The following CELF2 variants were observed in gnomAD, a reference collection of about 807,000 sequenced individuals.
CELF2 encodes CUG triplet repeat RNA-binding protein 2.
CELF2 carries 8 observed loss-of-function variants against 62.6 expected under a neutral mutation model. That is an observed-to-expected ratio of 0.13 (90% CI 0.07 to 0.23). The LOEUF is 0.23. Ranked by LOEUF, CELF2 falls within the 10% of genes least tolerant of loss-of-function variation. The probability of loss-of-function intolerance (pLI) is 1.00; values close to 1 mark genes in which losing one functional copy is unlikely to be tolerated. For missense variants in CELF2, 333 were observed against 671.0 expected, an observed-to-expected ratio of 0.50 and a Z score of 5.56; for synonymous variants, 258 against 250.0, an observed-to-expected ratio of 1.03 and a Z score of -0.30.
chr10:10,980,373 T>C (rs1453678522), intron 2 of CELF2, among the ~76,000 whole-genome samples: 1 of 152,212 alleles, frequency 6.6e-6, no homozygotes, highest in Non-Finnish European at 1.5e-5. Context: ...CACCTTATTG[T>C]AGAAGGAATG....
chr10:10,732,262 G>A, the CELF2 span, among the ~76,000 whole-genome samples: 19 of 152,238 alleles, frequency 1.2e-4, no homozygotes, highest in South Asian at 6.2e-4. Flanking sequence ...ACCCCTAGGC[G>A]GAGACTGTAT....
At chr10:10,862,436 A>G (rs1026683685) in intron 1 of CELF2, among the ~76,000 whole-genome samples, 1 of 152,118 alleles carries the variant, frequency 6.6e-6, no homozygotes, top group Non-Finnish European at 1.5e-5. Flanking sequence ...TGGGCTGTCA[A>G]TCATAATGCC....
At chr10:10,788,091 G>C in the CELF2 span, among the ~76,000 whole-genome samples, 2 of 152,134 alleles carry the variant, frequency 1.3e-5, no homozygotes, top group South Asian at 2.1e-4. Flanking sequence ...AAAATGATTA[G>C]TGCAAGCCAT....
intron 1 of CELF2, among the ~76,000 whole-genome samples, chr10:11,128,251 G>A (rs1595807852): frequency 6.6e-6 from 1 of 152,100 alleles, no homozygotes; most frequent in Admixed American, 6.5e-5. Flanking sequence ...TCTCTGTTTT[G>A]GTACCAGTAC....
At chr10:10,918,245 T>G (rs2064535578) in intron 1 of CELF2, among the ~76,000 whole-genome samples, 1 of 152,216 alleles carries the variant, frequency 6.6e-6, no homozygotes, top group South Asian at 2.1e-4. Flanking sequence ...ATTTCTTAGC[T>G]TGGGTATCCA....
intron 1 of CELF2, among the ~76,000 whole-genome samples, chr10:11,097,685 A>G (rs1207477626): frequency 2.6e-5 from 4 of 152,160 alleles, no homozygotes; most frequent in African/African-American, 9.7e-5. Context: ...GCCCATGTAT[A>G]GCATATTCTG....
intron 1 of CELF2, among the ~76,000 whole-genome samples, chr10:11,155,160 T>C (rs922202404): frequency 6.6e-6 from 1 of 152,252 alleles, no homozygotes; most frequent in Non-Finnish European, 1.5e-5. Flanking sequence ...GAAGGAATGC[T>C]TCTTACAACA....
chr10:10,704,305 A>ATT, the CELF2 span, among the ~76,000 whole-genome samples: 6 of 151,490 alleles, frequency 4.0e-5, no homozygotes, highest in Non-Finnish European at 7.4e-5. Context: ...ACCTTCCTTG[A>ATT]TTTTTTTTTC....
upstream of CELF2, among the ~76,000 whole-genome samples, chr10:10,795,562 A>C (rs1375418834): frequency 6.6e-6 from 1 of 152,168 alleles, no homozygotes; most frequent in African/African-American, 2.4e-5. Context: ...AAGCACCCTC[A>C]TTGTTGAAGA....
rs1210617039 is a variant in CELF2, at chr10:10,901,835, A to G, written c.54-18129A>G. Among the ~76,000 whole-genome samples, 16 of 152,334 alleles carry G rather than the reference A, an allele frequency of 1.1e-4. No individual in the cohort carries two copies. In the East Asian group the frequency reaches 2.9e-3, roughly 28 times the overall value. On this transcript the variant is annotated intron_variant, in intron 1 of 13. Transcript: ENST00000636488. ...TGGTTTTTGCCTTTACTTTCAATGT[A>G]TAAAGAATACTTTCAACTATAAAGA...
chr10:10,897,590 A>G (rs2062651199), intron 1 of CELF2, among the ~76,000 whole-genome samples: 1 of 152,182 alleles, frequency 6.6e-6, no homozygotes, highest in Non-Finnish European at 1.5e-5. Context: ...CCTTTGCTGA[A>G]GAGATGAGGC....
the CELF2 span, among the ~76,000 whole-genome samples, chr10:10,573,219 CTTTG>C: frequency 6.6e-6 from 1 of 152,036 alleles, no homozygotes; most frequent in South Asian, 2.1e-4. Context: ...TTTCTTGTAA[CTTTG>C]TTTAAGTTCC....
Position 11,311,513 on chromosome 10 carries a change from C to A in CELF2, c.977-2626C>A, listed in dbSNP as rs1368844956. 1.3e-5 allele frequency among the ~76,000 whole-genome samples: 2 copies of A among 152,098 alleles called. No homozygotes were observed. The highest frequency in any genetic ancestry group is 2.9e-5 in the Non-Finnish European group (2 of 68,032). On this transcript the variant is annotated intron_variant, in intron 9 of 12. Coordinates refer to ENST00000633077, the MANE Select transcript of CELF2 (RefSeq NM_001326342.2). This position sits in a 1 kb window ranked among gnomAD's most constrained non-coding sequence, Gnocchi z 4.7. ...GAAATAGCAGGGACATTATTAGACA[C>A]CACCATTATTAGACCTCAGATATTA...
At chr10:10,584,386 C>T in the CELF2 span, among the ~76,000 whole-genome samples, 2 of 152,074 alleles carry the variant, frequency 1.3e-5, no homozygotes, top group African/African-American at 4.8e-5. Flanking sequence ...TACAGCTGGG[C>T]GTATGCCTTA....
chr10:10,660,260 T>C, the CELF2 span, among the ~76,000 whole-genome samples: 1 of 152,238 alleles, frequency 6.6e-6, no homozygotes, highest in Non-Finnish European at 1.5e-5. Flanking sequence ...ATGTATGATG[T>C]CATAGCAACA....
the CELF2 span, among the ~76,000 whole-genome samples, chr10:10,594,787 C>A: frequency 6.6e-6 from 1 of 152,158 alleles, no homozygotes; most frequent in Non-Finnish European, 1.5e-5. Flanking sequence ...ATTCATCTCT[C>A]CCCTTAGAAG....
At chr10:11,048,510 A>G (rs1208592259) in intron 1 of CELF2, among the ~76,000 whole-genome samples, 2 of 152,172 alleles carry the variant, frequency 1.3e-5, no homozygotes, top group African/African-American at 2.4e-5. Flanking sequence ...CGTGCCACCA[A>G]TCCTGGTTTT....
At chr10:11,150,798 A>G (rs970073829) in intron 1 of CELF2, among the ~76,000 whole-genome samples, 2 of 152,242 alleles carry the variant, frequency 1.3e-5, no homozygotes, top group Non-Finnish European at 2.9e-5. Context: ...TTTATTTAGC[A>G]AATGTTATGA....
At chr10:10,550,425 T>C in the CELF2 span, among the ~76,000 whole-genome samples, 17 of 152,158 alleles carry the variant, frequency 1.1e-4, no homozygotes, top group Non-Finnish European at 1.9e-4. Flanking sequence ...GCTCACTGTC[T>C]AGTGTGCATA....
Sources: allele counts gnomAD v4.1 joint callset (sites outside exome capture counted in the v4.1 genomes callset), GRCh38; gene constraint gnomAD v4.1.1; non-coding constraint Gnocchi (gnomAD v3.1); transcripts MANE v1.5; gene names NCBI Gene and HGNC (gene_info 2026-07-23, HGNC 2026-07-21).